CFAP61: variants seen among roughly 807,000 people sequenced by gnomAD.
CFAP61 encodes the protein cilia- and flagella-associated protein 61.
A neutral mutation model predicts 135.6 loss-of-function variants in CFAP61; 107 were observed. The ratio of observed to expected loss-of-function variants is 0.79; its 90% CI spans 0.67 to 0.93. The LOEUF (loss-of-function observed/expected upper bound fraction) is 0.93, where lower values mean the gene tolerates loss of function less well. CFAP61 is among the 40% of genes least tolerant of loss of function. The pLI is 0.00. For missense variants in CFAP61, 1,507 were observed against 1,556.2 expected (o/e 0.97, Z 0.53); for synonymous variants, 575 against 578.5 (o/e 0.99, Z 0.09).
chr20:20,208,395 A>C (rs1472407847), intron 17 of CFAP61, among the ~76,000 whole-genome samples: 3 of 152,178 alleles, frequency 2.0e-5, no homozygotes, highest in Admixed American at 2.0e-4. Flanking sequence ...TTTATGTAAT[A>C]ATCAAAATTC....
chr20:20,084,492 C>T (rs1317295451), intron 6 of CFAP61, among the ~76,000 whole-genome samples: 1 of 152,094 alleles, frequency 6.6e-6, no homozygotes, highest in African/African-American at 2.4e-5. Flanking sequence ...GCAGTGGTTT[C>T]TGTGCTGGCA....
At chr20:20,248,960 T>C (rs778816799) in intron 19 of CFAP61, among the ~76,000 whole-genome samples, 1 of 152,236 alleles carries the variant, frequency 6.6e-6, no homozygotes, top group African/African-American at 2.4e-5. Flanking sequence ...CACATTAGTT[T>C]TGAGTCACGG....
chr20:20,175,496 TTTGTTTTGTTTTGTTTTGTTTTGTTTTG>T (rs1395760147), intron 13 of CFAP61, among the ~76,000 whole-genome samples: 64 of 3,108 alleles, frequency 0.021, no homozygotes, highest in Non-Finnish European at 0.1. Context: ...TTGTTTTTGT[TTTGTTTTGTTTTGTTTTGTTTTGTTTTG>T]TTTTGTTTTG....
intron 3 of CFAP61, among the ~76,000 whole-genome samples, chr20:20,071,411 A>G (rs950576959): frequency 2.6e-5 from 4 of 152,186 alleles, no homozygotes; most frequent in African/African-American, 9.7e-5. Context: ...GTCACATTCT[A>G]TAATTTTCAA....
At position 20,277,428 on chromosome 20, in the gene CFAP61, AC is replaced by A; in HGVS notation, c.2769del (p.Thr924ProfsTer39). On this transcript the variant is annotated frameshift_variant, in exon 22 of 27. Transcript: ENST00000245957. LOFTEE classifies it high-confidence loss of function. Reference protein sequence around the residue: ...DPIYSASFTTPTKPFRLQCSM... With the variant: ...DPIYSASFTTXTKPFRLQCSM... ...CCATCTACAGCGCCTCCTTCACCAC[AC>A]CCACCAAGCCTTTCAGACTCCAGTG... 1 of 1,612,932 alleles carries A rather than the reference AC, an allele frequency of 6.2e-7. No individual in the cohort carries two copies. Among genetic ancestry groups the A allele is most frequent in the Non-Finnish European group, 8.5e-7 (1 of 1,179,292 alleles).
At chr20:20,054,072 A>G (rs6046578) in intron 1 of CFAP61, among the ~76,000 whole-genome samples, 21 of 140,472 alleles carry the variant, frequency 1.5e-4, no homozygotes, top group African/African-American at 4.8e-4. Flanking sequence ...TTTGCCATCA[A>G]TGCTTTTGTA....
Position 20,196,564 on chromosome 20 carries a change from C to A in CFAP61, c.1591-6C>A, listed in dbSNP as rs1224374679. On this transcript the variant is annotated splice_region_variant and splice_polypyrimidine_tract_variant and intron_variant, in intron 15 of 26. Coordinates refer to ENST00000245957, the MANE Select transcript of CFAP61 (RefSeq NM_015585.4). ...GTAGAAACCATCCCTTCTGTCTCTT[C>A]TGTAGGACATTGAGTACATACGGTC... 15 of 1,603,952 alleles carry A rather than the reference C, an allele frequency of 9.4e-6. No individual in the cohort carries two copies. The highest frequency in any genetic ancestry group is 1.3e-5 in the Non-Finnish European group (15 of 1,170,736).
chr20:20,288,116 C>G (rs1340614469), intron 22 of CFAP61, among the ~76,000 whole-genome samples: 1 of 122,750 alleles, frequency 8.1e-6, no homozygotes, highest in Non-Finnish European at 1.9e-5. Context: ...TCTGGAGCAT[C>G]ATATAGGGAC....
At position 20,140,267 on chromosome 20, in the gene CFAP61, T is replaced by TA. The variant is rs2051273107; in HGVS notation, c.860-2589dup. On this transcript the variant is annotated intron_variant, in intron 8 of 26. Coordinates refer to ENST00000245957, the MANE Select transcript of CFAP61 (RefSeq NM_015585.4). ...TGCAGGTTTGTTACATATGTATACA[T>TA]ATGCCATGCTGGTGTGCTGCACCCA... 4.6e-5 allele frequency among the ~76,000 whole-genome samples: 7 copies of TA among 151,534 alleles called. 1 individual carries two copies. The South Asian group carries it at 1.3e-3, about 27-fold the overall frequency.
chr20:20,265,432 G>T (rs1223367484), intron 21 of CFAP61: 1 of 779,808 alleles, frequency 1.3e-6, no homozygotes, highest in East Asian at 2.4e-5. Flanking sequence ...AAGAGCATCA[G>T]TGTTATTCTG....
chr20:20,355,660 G>A (rs1265333075), intron 26 of CFAP61, among the ~76,000 whole-genome samples: 11 of 145,866 alleles, frequency 7.5e-5, no homozygotes, highest in African/African-American at 2.9e-4. Flanking sequence ...CACTGTGAGG[G>A]GAGGTGATCA....
intron 26 of CFAP61, among the ~76,000 whole-genome samples, chr20:20,345,719 G>A (rs911744370): frequency 1.3e-5 from 2 of 151,890 alleles, no homozygotes; most frequent in Admixed American, 1.3e-4. Context: ...TCAGGAGTTC[G>A]AGACTAGCCT....
intron 19 of CFAP61, among the ~76,000 whole-genome samples, chr20:20,247,499 C>T (rs1265983819): frequency 1.3e-5 from 2 of 152,232 alleles, no homozygotes; most frequent in Non-Finnish European, 2.9e-5. Flanking sequence ...ATCGCCTCCT[C>T]ACCGCCCAGA....
At chr20:20,071,354 T>C (rs190399743) in intron 3 of CFAP61, among the ~76,000 whole-genome samples, 137 of 152,286 alleles carry the variant, frequency 9.0e-4, no homozygotes, top group Middle Eastern at 3.4e-3. Flanking sequence ...GCACCTGCCG[T>C]CTACACAATT....
chr20:20,309,883 T>C (rs1268962373), intron 25 of CFAP61, among the ~76,000 whole-genome samples: 2 of 152,222 alleles, frequency 1.3e-5, no homozygotes, highest in African/African-American at 4.8e-5. Flanking sequence ...AGCACACGCA[T>C]GGGTGCCCTC....
Position 20,296,117 on chromosome 20 carries a change from C to G in CFAP61, c.3217-2064C>G, listed in dbSNP as rs796771194. On this transcript the variant is annotated intron_variant, in intron 24 of 26. Coordinates refer to ENST00000245957, the MANE Select transcript of CFAP61 (RefSeq NM_015585.4). ...TCCTTCCTTCCTTCCCTCCCTCCTT[C>G]CCTTCCTTCCTTCCTTCCTCCCTCC... Among the ~76,000 whole-genome samples, 4 of 874 alleles carry G rather than the reference C, an allele frequency of 4.6e-3. 1 individual carries two copies. Among genetic ancestry groups the G allele is most frequent in the Admixed American group, 0.043 (3 of 70 alleles). The allele number at this position is 874 out of a possible 152,430, so 0.6% of individuals were successfully genotyped here.
intron 22 of CFAP61, among the ~76,000 whole-genome samples, chr20:20,287,549 A>C (rs532392144): frequency 1.3e-5 from 2 of 152,322 alleles, no homozygotes; most frequent in African/African-American, 4.8e-5. Context: ...AAGCTCCCTG[A>C]ACCATTCATG....
At chr20:20,136,656 ATTTC>A (rs2050954387) in intron 8 of CFAP61, among the ~76,000 whole-genome samples, 1 of 152,206 alleles carries the variant, frequency 6.6e-6, no homozygotes, top group Non-Finnish European at 1.5e-5. Flanking sequence ...GCTATCTAGA[ATTTC>A]TTTGAGTTTT....
chr20:20,217,128 A>C (rs765277150), intron 17 of CFAP61, among the ~76,000 whole-genome samples: 3 of 152,242 alleles, frequency 2.0e-5, no homozygotes, highest in Non-Finnish European at 4.4e-5. Context: ...TTGTAGCCTT[A>C]GCATACTCTG....
Sources: allele counts gnomAD v4.1 joint callset (sites outside exome capture counted in the v4.1 genomes callset), GRCh38; gene constraint gnomAD v4.1.1; transcripts MANE v1.5; gene names NCBI Gene and HGNC (gene_info 2026-07-23, HGNC 2026-07-21).